Variants in NECAB1 observed in about 807,000 individuals in gnomAD.
NECAB1 encodes N-terminal EF-hand calcium binding protein 1.
A neutral mutation model predicts 57.5 loss-of-function variants in NECAB1; 29 were observed. That is an observed-to-expected ratio of 0.50 (90% CI 0.38 to 0.69). NECAB1 has a LOEUF of 0.69. NECAB1 is among the 30% of genes least tolerant of loss of function. NECAB1 has a pLI of 0.00. For synonymous variants in NECAB1, 142 were observed against 147.7 expected, an observed-to-expected ratio of 0.96 and a Z score of 0.28; for missense variants, 372 against 413.8, an observed-to-expected ratio of 0.90 and a Z score of 0.88.
chr8:90,923,718 A>T (rs138321722), intron 6 of NECAB1, among the ~76,000 whole-genome samples: 8 of 152,376 alleles, frequency 5.3e-5, no homozygotes, highest in African/African-American at 1.9e-4. Flanking sequence ...GCATTTATGA[A>T]TTAAGGATAG....
At chr8:90,948,986 A>G (rs978540639) in intron 10 of NECAB1, among the ~76,000 whole-genome samples, 3 of 152,210 alleles carry the variant, frequency 2.0e-5, no homozygotes, top group Admixed American at 1.3e-4. Context: ...AAAACATATT[A>G]TGTAGACTTT....
chr8:90,895,474 T>C (rs1228147568), intron 5 of NECAB1, among the ~76,000 whole-genome samples: 1 of 152,216 alleles, frequency 6.6e-6, no homozygotes, highest in Non-Finnish European at 1.5e-5. Context: ...TCCAGTTTAA[T>C]AGACACAAAA....
rs1487212841 is a variant in NECAB1, at chr8:90,932,616, A to C, written c.694-1688A>C. Among the ~76,000 whole-genome samples, 8 of 152,232 alleles carry C rather than the reference A, an allele frequency of 5.3e-5. No individual in the cohort carries two copies. In the East Asian group the frequency reaches 1.2e-3, roughly 22 times the overall value. ...GTAAAGATTTAGGGATAGAGAATTT[A>C]CAGCAAAGCAGGAAAAGTGAACCCC... On this transcript the variant is annotated intron_variant, in intron 8 of 12. Transcript: ENST00000417640.
intron 3 of NECAB1, among the ~76,000 whole-genome samples, chr8:90,855,184 C>A (rs1243127432): frequency 6.6e-6 from 1 of 152,128 alleles, no homozygotes; most frequent in African/African-American, 2.4e-5. Flanking sequence ...CCAGACAAAG[C>A]CAAGCCTGCT....
At chr8:90,938,573 AACT>A (rs767893259) in intron 9 of NECAB1, among the ~76,000 whole-genome samples, 2 of 152,230 alleles carry the variant, frequency 1.3e-5, no homozygotes, top group African/African-American at 4.8e-5. Flanking sequence ...ACTTTAAATT[AACT>A]ATTATTTAAA....
chr8:90,824,883 T>C, intron 3 of NECAB1, 58 bp downstream of exon 3: 1 of 858,890 alleles, frequency 1.2e-6, no homozygotes, highest in Non-Finnish European at 1.8e-6. Flanking sequence ...CGTGAATGCA[T>C]TCATGTCCAG....
intron 5 of NECAB1, among the ~76,000 whole-genome samples, chr8:90,900,606 C>T (rs564334840): frequency 6.6e-6 from 1 of 152,296 alleles, no homozygotes; most frequent in African/African-American, 2.4e-5. Context: ...TTAGTTCTTT[C>T]CCTTCCAATC....
At chr8:90,911,784 G>A (rs1809836657) in intron 5 of NECAB1, among the ~76,000 whole-genome samples, 2 of 152,130 alleles carry the variant, frequency 1.3e-5, no homozygotes, top group Admixed American at 1.3e-4. Context: ...GTCTTGTGAA[G>A]TTTGAGCCAA....
intron 3 of NECAB1, among the ~76,000 whole-genome samples, chr8:90,834,396 G>A (rs564960336): frequency 1.8e-3 from 271 of 152,210 alleles, no homozygotes; most frequent in Non-Finnish European, 1.4e-3. Flanking sequence ...TTTGGCAAAT[G>A]ACTAGGTCAT....
At chr8:90,822,497 T>A (rs1171879644) in intron 2 of NECAB1, among the ~76,000 whole-genome samples, 1 of 151,916 alleles carries the variant, frequency 6.6e-6, no homozygotes, top group Non-Finnish European at 1.5e-5. Flanking sequence ...GACTATAAGC[T>A]AATGCTTCCT....
chr8:90,871,060 T>C (rs1454160601), intron 3 of NECAB1, among the ~76,000 whole-genome samples: 3 of 152,120 alleles, frequency 2.0e-5, no homozygotes, highest in African/African-American at 7.2e-5. Flanking sequence ...TTGGAATGTT[T>C]ATACCAATGC....
At chr8:90,857,219 C>CT (rs1812810280) in intron 3 of NECAB1, among the ~76,000 whole-genome samples, 1 of 151,988 alleles carries the variant, frequency 6.6e-6, no homozygotes, top group Admixed American at 6.6e-5. Context: ...GCCTAAATTT[C>CT]TATGTTTTTA....
chr8:90,867,865 G>T (rs910557187), intron 3 of NECAB1, among the ~76,000 whole-genome samples: 1 of 152,024 alleles, frequency 6.6e-6, no homozygotes, highest in South Asian at 2.1e-4. Flanking sequence ...CTGTTCTCTT[G>T]CCCCCTTTCT....
chr8:90,807,831 G>A lies in NECAB1; in HGVS notation c.124+6116G>A, dbSNP rs142548924. On this transcript the variant is annotated intron_variant, in intron 2 of 12. Transcript: ENST00000417640. ...ACCTCAACTACACATCTACCAGCTC[G>A]AAAGTCAAAGCAAAGTCTATTAGAA... 3.7e-4 allele frequency among the ~76,000 whole-genome samples: 57 copies of A among 152,204 alleles called. No homozygotes were observed. In the East Asian group the frequency reaches 9.1e-3, roughly 24 times the overall value.
At chr8:90,898,078 C>T (rs7007019) in intron 5 of NECAB1, among the ~76,000 whole-genome samples, 1,659 of 152,154 alleles carry the variant, frequency 0.011, 26 homozygotes, top group African/African-American at 0.034. Context: ...GTAATATGAC[C>T]TCAAATTTGT....
intron 3 of NECAB1, among the ~76,000 whole-genome samples, chr8:90,849,394 A>G (rs1371253921): frequency 6.6e-6 from 1 of 151,858 alleles, no homozygotes; most frequent in African/African-American, 2.4e-5. Context: ...ACTTGAGCCC[A>G]GGAGTTCAGG....
chr8:90,791,832 G>C lies in NECAB1; in HGVS notation c.-55G>C, dbSNP rs1811577081. On this transcript the variant is annotated 5_prime_UTR_variant, in exon 1 of 13. Coordinates refer to ENST00000417640, the MANE Select transcript of NECAB1 (RefSeq NM_022351.5). The stretch of plus-strand genomic sequence containing the variant: ...AGCAGCTGCGGCCGCGCCCTTGCCA[G>C]AGCCGGTGCGTCCGCCTAGCCCCGC... 8 of 1,438,060 alleles carry C rather than the reference G, an allele frequency of 5.6e-6. No homozygotes were observed. The South Asian group carries it at 6.1e-5, about 11-fold the overall frequency. The allele number at this position is 1,438,060 out of a possible 1,614,324, so 89.1% of individuals were successfully genotyped here. A position where few individuals can be genotyped will look rare whatever the true frequency, so the allele number is the denominator to read the frequency against.
chr8:90,876,025 T>A (rs1244733753), intron 4 of NECAB1, among the ~76,000 whole-genome samples: 1 of 151,584 alleles, frequency 6.6e-6, no homozygotes, highest in East Asian at 1.9e-4. Flanking sequence ...ATAATAATAA[T>A]AAATAAAGTA....
In NECAB1 at chr8:90,957,701, A is replaced by G. The variant is rs1201312313; in HGVS notation, c.*2189A>G. ...AAAAAAAAAGAAAAAGAAAAAGAAA[A>G]AAGAAAAAAAAAGAAAAAACTGGGA... On this transcript the variant is annotated 3_prime_UTR_variant, in exon 13 of 13. Transcript: ENST00000417640. The G allele has an allele frequency of 6.7e-6, 1 of 149,980 alleles. No homozygotes were observed. Among genetic ancestry groups the G allele is most frequent in the Non-Finnish European group, 1.5e-5 (1 of 67,382 alleles). The allele number at this position is 149,980 out of a possible 1,614,324, so 9.3% of individuals were successfully genotyped here.
Sources: allele counts gnomAD v4.1 joint callset (sites outside exome capture counted in the v4.1 genomes callset), GRCh38; gene constraint gnomAD v4.1.1; transcripts MANE v1.5; gene names NCBI Gene and HGNC (gene_info 2026-07-23, HGNC 2026-07-21).